PDGFRL: variants seen among roughly 807,000 people sequenced by gnomAD.
PDGFRL encodes platelet-derived growth factor receptor-like protein.
PDGFRL carries 46 observed loss-of-function variants against 37.2 expected under a neutral mutation model. The ratio of observed to expected loss-of-function variants is 1.24; its 90% CI spans 0.98 to 1.58. The LOEUF (loss-of-function observed/expected upper bound fraction) is 1.58, where lower values mean the gene tolerates loss of function less well. PDGFRL is among the 40% of genes most tolerant of loss of function. PDGFRL has a pLI of 0.00. For synonymous variants in PDGFRL, 251 were observed against 184.3 expected, an observed-to-expected ratio of 1.36 and a Z score of -2.93; for missense variants, 692 against 467.6, an observed-to-expected ratio of 1.48 and a Z score of -4.43.
At chr8:17,585,545 A>G (rs1038812890) in intron 1 of PDGFRL, among the ~76,000 whole-genome samples, 1 of 152,110 alleles carries the variant, frequency 6.6e-6, no homozygotes, top group Non-Finnish European at 1.5e-5. Context: ...TTCATGAAAA[A>G]TGGAAAAATG....
chr8:17,604,771 T>A (rs1465257457), intron 2 of PDGFRL, among the ~76,000 whole-genome samples: 1 of 152,132 alleles, frequency 6.6e-6, no homozygotes, highest in Non-Finnish European at 1.5e-5. Context: ...GAGCAAAATT[T>A]AGGGCAATTA....
At chr8:17,610,779 C>T (rs1490471942) in intron 2 of PDGFRL, among the ~76,000 whole-genome samples, 10 of 152,070 alleles carry the variant, frequency 6.6e-5, no homozygotes, top group African/African-American at 2.2e-4. Context: ...GGCCTGGTGG[C>T]GCATGCCTAT....
intron 4 of PDGFRL, among the ~76,000 whole-genome samples, chr8:17,631,485 C>T (rs1176436324): frequency 1.3e-5 from 2 of 152,172 alleles, no homozygotes; most frequent in African/African-American, 4.8e-5. Flanking sequence ...GCCCCTTACA[C>T]CCTGTTACCA....
chr8:17,625,018 T>G (rs957378775), intron 3 of PDGFRL, among the ~76,000 whole-genome samples: 1 of 152,134 alleles, frequency 6.6e-6, no homozygotes, highest in African/African-American at 2.4e-5. Context: ...ACTTTAAGTT[T>G]TAGGGTACAT....
intron 2 of PDGFRL, among the ~76,000 whole-genome samples, chr8:17,612,225 G>A (rs955556631): frequency 1.1e-4 from 16 of 152,126 alleles, no homozygotes; most frequent in Non-Finnish European, 2.9e-5. Flanking sequence ...TAACCTCCAG[G>A]TATTTAAATA....
chr8:17,631,819 C>G (rs1437041520), intron 4 of PDGFRL, among the ~76,000 whole-genome samples: 3 of 152,200 alleles, frequency 2.0e-5, no homozygotes, highest in Admixed American at 1.3e-4. Context: ...TCTCACTCTT[C>G]TTGGTCAGCT....
intron 3 of PDGFRL, among the ~76,000 whole-genome samples, chr8:17,621,809 G>C (rs566481014): frequency 3.4e-4 from 51 of 152,222 alleles, no homozygotes; most frequent in African/African-American, 1.2e-3. Flanking sequence ...CTTCACTAAA[G>C]ACCTCCCATT....
chr8:17,576,811 G>A (rs1803590360), upstream of PDGFRL: 1 of 473,550 alleles, frequency 2.1e-6, no homozygotes, highest in Non-Finnish European at 2.8e-6. Flanking sequence ...AATTTAGGAA[G>A]CACTTTTTAC....
intron 2 of PDGFRL, among the ~76,000 whole-genome samples, chr8:17,595,350 G>C (rs562244831): frequency 1.3e-5 from 2 of 152,224 alleles, no homozygotes; most frequent in South Asian, 4.2e-4. Flanking sequence ...CCAGGGTCTG[G>C]GCAGGCCCAG....
chr8:17,636,657 T>C (rs1012841690), intron 5 of PDGFRL, among the ~76,000 whole-genome samples: 1 of 152,036 alleles, frequency 6.6e-6, no homozygotes. Context: ...TGAAGAATGA[T>C]GGTGGTGTTT....
chr8:17,623,978 C>T (rs10113316), intron 3 of PDGFRL, among the ~76,000 whole-genome samples: 116,259 of 151,550 alleles, frequency 0.77, 46,868 homozygotes, highest in Non-Finnish European at 0.9. Flanking sequence ...AAAATATATT[C>T]ATTCCAACTA....
intron 5 of PDGFRL, among the ~76,000 whole-genome samples, chr8:17,642,137 C>T (rs1043971558): frequency 6.6e-6 from 1 of 152,148 alleles, no homozygotes; most frequent in African/African-American, 2.4e-5. Flanking sequence ...AATCATACTT[C>T]TCCCTCTCTC....
intron 2 of PDGFRL, among the ~76,000 whole-genome samples, chr8:17,614,321 T>C (rs1804480486): frequency 6.6e-6 from 1 of 152,128 alleles, no homozygotes; most frequent in Admixed American, 6.5e-5. Context: ...CAGTATGTTT[T>C]ACCCAGCTGT....
intron 2 of PDGFRL, among the ~76,000 whole-genome samples, chr8:17,592,896 C>G (rs1803970304): frequency 6.6e-6 from 1 of 150,624 alleles, no homozygotes; most frequent in Non-Finnish European, 1.5e-5. Flanking sequence ...TACATTTGTC[C>G]TTCTTAAACC....
chr8:17,617,422 A>G (rs1409808779), intron 2 of PDGFRL, among the ~76,000 whole-genome samples: 1 of 152,138 alleles, frequency 6.6e-6, no homozygotes, highest in Non-Finnish European at 1.5e-5. Context: ...CACAGAAAGG[A>G]AGGGTCTTTG....
At chr8:17,596,703 G>A (rs559729390) in intron 2 of PDGFRL, among the ~76,000 whole-genome samples, 21 of 152,330 alleles carry the variant, frequency 1.4e-4, no homozygotes, top group Admixed American at 1.0e-3. Context: ...AGCACAGCAA[G>A]AGCCTTAGAA....
intron 2 of PDGFRL, among the ~76,000 whole-genome samples, chr8:17,619,063 A>T (rs1020164765): frequency 2.6e-5 from 4 of 152,182 alleles, no homozygotes; most frequent in African/African-American, 9.7e-5. Flanking sequence ...TGCGTTCAGG[A>T]CCAACTCACC....
intron 2 of PDGFRL, among the ~76,000 whole-genome samples, chr8:17,615,424 A>G (rs906072751): frequency 1.3e-5 from 2 of 152,138 alleles, no homozygotes; most frequent in African/African-American, 4.8e-5. Flanking sequence ...ATGAAAATCC[A>G]TGCCCTCTTA....
In PDGFRL at chr8:17,634,846, G is replaced by A. The variant is rs187411681; in HGVS notation, c.939+633G>A. On this transcript the variant is annotated intron_variant, in intron 5 of 5. Coordinates refer to ENST00000251630, the MANE Select transcript of PDGFRL (RefSeq NM_001372073.1). The stretch of plus-strand genomic sequence containing the variant: ...GGAGGGTGGGAGGAGGGAGAAGATC[G>A]GGCAAAATAACTAATGGGTACTAGG... Among the ~76,000 whole-genome samples, 101 of 152,198 alleles carry A rather than the reference G, an allele frequency of 6.6e-4. 2 individuals carry two copies. The highest frequency in any genetic ancestry group is 5.3e-3 in the Admixed American group (81 of 15,292).
Sources: allele counts gnomAD v4.1 joint callset (sites outside exome capture counted in the v4.1 genomes callset), GRCh38; gene constraint gnomAD v4.1.1; transcripts MANE v1.5; gene names NCBI Gene and HGNC (gene_info 2026-07-23, HGNC 2026-07-21).